MEI1: variants seen among roughly 807,000 people sequenced by gnomAD.
MEI1 encodes the protein meiotic double-stranded break formation protein 1.
In MEI1, 103 loss-of-function variants were observed where a neutral mutation model predicts 146.2. The observed-to-expected ratio is 0.70, with a 90% CI of 0.60 to 0.83. The LOEUF (loss-of-function observed/expected upper bound fraction) is 0.83. Among genes scored for constraint, MEI1 ranks in the 40% least tolerant of loss-of-function variants. The pLI is 0.00. For missense variants in MEI1, 1,529 were observed against 1,533.0 expected (o/e 1.00, Z 0.04); for synonymous variants, 652 against 628.2 (o/e 1.04, Z -0.57).
At chr22:41,734,285 C>T (rs561045918) in intron 11 of MEI1, among the ~76,000 whole-genome samples, 6 of 151,754 alleles carry the variant, frequency 4.0e-5, no homozygotes, top group Non-Finnish European at 1.5e-5. Context: ...TACTGAGGGA[C>T]GACTATGCAA....
At chr22:41,702,043 A>C (rs912595965) in intron 1 of MEI1, among the ~76,000 whole-genome samples, 6 of 152,348 alleles carry the variant, frequency 3.9e-5, no homozygotes, top group African/African-American at 1.4e-4. Flanking sequence ...ATAGATCACT[A>C]CCTTAATCTA....
At position 41,699,734 on chromosome 22, in the gene MEI1, C is replaced by T. The variant is rs756451538; in HGVS notation, c.174+22C>T. On this transcript the variant is annotated intron_variant, in intron 1 of 30. Coordinates refer to ENST00000401548, the MANE Select transcript of MEI1 (RefSeq NM_152513.4). ...GTCGGTGCGGGCGGAACCTTTTCTT[C>T]AGAAGACCTGGGTTTGGCCATTTCC... 12 of 1,538,268 alleles carry T rather than the reference C, an allele frequency of 7.8e-6. No homozygotes were observed. The South Asian group carries it at 1.3e-4, about 17-fold the overall frequency.
intron 2 of MEI1, 34 bp from the exon 3 acceptor site, chr22:41,705,470 T>C: frequency 6.2e-7 from 1 of 1,609,488 alleles, no homozygotes; most frequent in Non-Finnish European, 8.5e-7. Context: ...GCGCCCTGCC[T>C]AACCACCCCT....
At chr22:41,734,090 T>C (rs1466855872) in intron 11 of MEI1, among the ~76,000 whole-genome samples, 1 of 151,684 alleles carries the variant, frequency 6.6e-6, no homozygotes, top group Non-Finnish European at 1.5e-5. Flanking sequence ...ATCACACCAT[T>C]ATACTCCAGC....
At chr22:41,752,326 C>G (rs2147858996) in intron 15 of MEI1, 4 of 442,162 alleles carry the variant, frequency 9.0e-6, no homozygotes, top group Middle Eastern at 1.2e-3. Context: ...GCAGCACTTA[C>G]TTTGAGCCAA....
intron 15 of MEI1, among the ~76,000 whole-genome samples, chr22:41,749,117 T>C (rs1448228701): frequency 1.3e-5 from 2 of 152,074 alleles, no homozygotes; most frequent in Non-Finnish European, 2.9e-5. Context: ...TTTCTTAATC[T>C]CTGTGCTATA....
At chr22:41,769,557 C>G (rs907702312) in intron 19 of MEI1, among the ~76,000 whole-genome samples, 50 of 151,770 alleles carry the variant, frequency 3.3e-4, no homozygotes, top group African/African-American at 1.2e-3. Flanking sequence ...ACCACAACCT[C>G]TGCCTCCCGG....
chr22:41,798,247 A>C (rs981002168), intron 30 of MEI1, among the ~76,000 whole-genome samples: 1 of 151,040 alleles, frequency 6.6e-6, no homozygotes, highest in African/African-American at 2.4e-5. Flanking sequence ...ACACACACAC[A>C]ATGTGTGTGT....
rs765562193 is a variant in MEI1 at position 41,770,871 on chromosome 22, C to T, written c.2454C>T (p.Val818=). ...GCAGCTATGAGGAACTGGATGATGT[C>T]ACCTCTGCTGGGCAGCCCGCCCTTC... ...EESSYEELDD[V]TSAGQPALPA... is the part of the protein sequence containing the mutation. The change falls in exon 20 of 31, where the codon GTC becomes GTT. Residue 818 remains valine (V), a synonymous_variant. Transcript: ENST00000401548. 3 of 1,613,990 alleles carry T rather than the reference C, an allele frequency of 1.9e-6. No individual in the cohort carries two copies. Among genetic ancestry groups the T allele is most frequent in the Non-Finnish European group, 2.5e-6 (3 of 1,179,900 alleles).
At chr22:41,736,841 T>C (rs2072416425) in intron 11 of MEI1, among the ~76,000 whole-genome samples, 1 of 152,192 alleles carries the variant, frequency 6.6e-6, no homozygotes, top group Admixed American at 6.6e-5. Flanking sequence ...CATCTTTGGG[T>C]ACCACCATTC....
intron 5 of MEI1, among the ~76,000 whole-genome samples, chr22:41,717,771 A>G (rs149968406): frequency 6.6e-6 from 1 of 151,762 alleles, no homozygotes; most frequent in African/African-American, 2.4e-5. Context: ...GTGTGCCAGC[A>G]TGCCCGGCTA....
At chr22:41,737,876 G>A (rs2072519538) in intron 11 of MEI1, among the ~76,000 whole-genome samples, 1 of 151,696 alleles carries the variant, frequency 6.6e-6, no homozygotes, top group Admixed American at 6.6e-5. Flanking sequence ...GCACCACAAT[G>A]GGAAATTATT....
chr22:41,712,435 C>T (rs2069667867), intron 3 of MEI1, among the ~76,000 whole-genome samples: 1 of 151,320 alleles, frequency 6.6e-6, no homozygotes, highest in Non-Finnish European at 1.5e-5. Flanking sequence ...TGGGGTTTCA[C>T]CGTGTTAGCC....
Position 41,703,435 on chromosome 22 carries a change from C to G in MEI1, c.279C>G (p.His93Gln), listed in dbSNP as rs781134339. ...CTCAGGATCAGAGAGTCTGCATCCA[C>G]TTCATAAGTGTGCTTTTTGGTAAGA... ...LVSQDQRVCI[H>Q]FISVLFGLLC... Residue 93 changes from histidine (H) to glutamine (Q), a missense_variant, in exon 2 of 31, where the codon CAC becomes CAG. His to Gln is a conservative substitution (Grantham distance 24). Coordinates refer to ENST00000401548, the MANE Select transcript of MEI1 (RefSeq NM_152513.4). The G allele has an allele frequency of 3.5e-5, 56 of 1,590,494 alleles. No homozygotes were observed. Among genetic ancestry groups the G allele is most frequent in the Non-Finnish European group, 4.7e-5 (55 of 1,167,744 alleles).
At chr22:41,705,708 CTTTTTTTTTTTT>C (rs10568131) in intron 3 of MEI1, among the ~76,000 whole-genome samples, 154 bp downstream of exon 3, 2 of 137,020 alleles carry the variant, frequency 1.5e-5, no homozygotes, top group South Asian at 4.6e-4. Context: ...TTGTTTTTTA[CTTTTTTTTTTTT>C]TTTTTGAGAC....
At chr22:41,709,257 G>C (rs2069347553) in intron 3 of MEI1, 2 of 846,354 alleles carry the variant, frequency 2.4e-6, no homozygotes, top group African/African-American at 3.3e-5. Flanking sequence ...TTCTGTGCCT[G>C]GTCTGTCTTG....
At chr22:41,706,445 G>A (rs1435515678) in intron 3 of MEI1, among the ~76,000 whole-genome samples, 1 of 152,156 alleles carries the variant, frequency 6.6e-6, no homozygotes, top group Non-Finnish European at 1.5e-5. Context: ...TGACTGACAG[G>A]CAAATAACTA....
At position 41,732,584 on chromosome 22, in the gene MEI1, G is replaced by C. The variant is rs747183514; in HGVS notation, c.1312G>C (p.Ala438Pro). The stretch of plus-strand genomic sequence containing the variant: ...GGAGGTGGCTGCTGAGGCCTTGAAG[G>C]CCACTTCTGCTTTTCTGAGGTGAGA... ...VLEVAAEALK[A>P]TSAFLRKDHQ... The change falls in exon 11 of 31, where the codon GCC becomes CCC. Residue 438 changes from alanine to proline, a missense_variant. Around this residue, in one of 3 missense-constraint regions of MEI1, gnomAD observed 1,212 missense variants for 1,178.9 expected, o/e 1.03. Transcript: ENST00000401548. 13 of 1,613,150 alleles carry C rather than the reference G, an allele frequency of 8.1e-6. No homozygotes were observed. The highest frequency in any genetic ancestry group is 5.0e-5 in the Admixed American group (3 of 59,954).
At chr22:41,763,784 A>AT in intron 19 of MEI1, among the ~76,000 whole-genome samples, 1 of 151,862 alleles carries the variant, frequency 6.6e-6, no homozygotes, top group Non-Finnish European at 1.5e-5. Flanking sequence ...TTAAAAAAAA[A>AT]CAACAACTCT....
Sources: allele counts gnomAD v4.1 joint callset (sites outside exome capture counted in the v4.1 genomes callset), GRCh38; gene constraint gnomAD v4.1.1; regional missense constraint gnomAD v4.1.1; transcripts MANE v1.5; gene names NCBI Gene and HGNC (gene_info 2026-07-23, HGNC 2026-07-21).